GRIP1: variants seen among roughly 807,000 people sequenced by gnomAD.
GRIP1 encodes glutamate receptor-interacting protein 1.
Under a neutral mutation model 129.9 loss-of-function variants are expected in GRIP1, and 45 were observed. The observed-to-expected ratio is 0.35, with a 90% CI of 0.27 to 0.44. GRIP1 has a LOEUF of 0.44. Among genes scored for constraint, GRIP1 ranks in the 20% least tolerant of loss-of-function variants. The pLI is 1.00. For missense variants in GRIP1, 1,196 were observed against 1,396.8 expected, an observed-to-expected ratio of 0.86 and a Z score of 2.29; for synonymous variants, 530 against 520.8, an observed-to-expected ratio of 1.02 and a Z score of -0.24.
chr12:66,744,833 TACTC>T (rs1232557404), intron 1 of GRIP1, among the ~76,000 whole-genome samples: 2 of 152,206 alleles, frequency 1.3e-5, no homozygotes, highest in South Asian at 2.1e-4. Context: ...ACAGAAATCT[TACTC>T]AATTATATTA....
At position 66,432,587 on chromosome 12, in the gene GRIP1, G is replaced by C; in HGVS notation, c.1729C>G (p.Pro577Ala). 1 of 1,604,840 alleles carries C rather than the reference G, an allele frequency of 6.2e-7. No homozygotes were observed. The highest frequency in any genetic ancestry group is 1.1e-5 in the South Asian group (1 of 90,884). The change falls in exon 14 of 25, where the codon CCT (proline) becomes GCT (alanine). Residue 577 changes from proline to alanine, a missense_variant. Coordinates refer to ENST00000359742, the MANE Select transcript of GRIP1 (RefSeq NM_001366722.1). ...PSSGTFHVKL[P>A]KKHNVELGIT... ...CCAAGTTCCACATTGTGCTTCTTAG[G>C]CAGCTTTACATGAAATGTTCCACTA...
chr12:67,044,067 C>G (rs973720319), intron 1 of GRIP1, among the ~76,000 whole-genome samples: 2 of 152,008 alleles, frequency 1.3e-5, no homozygotes, highest in African/African-American at 2.4e-5. Context: ...AGATAGGTGC[C>G]TATTAATTCT....
intron 7 of GRIP1, among the ~76,000 whole-genome samples, chr12:66,491,361 A>T (rs757407673): frequency 6.6e-6 from 1 of 152,208 alleles, no homozygotes; most frequent in Non-Finnish European, 1.5e-5. Flanking sequence ...ACAACACAGG[A>T]ACAGAATACC....
In GRIP1 at chr12:66,456,224, G is replaced by T; in HGVS notation, c.1161C>A (p.Ala387=). ...TYHPDHCRVP[A]LTFPKAPPPN... ...GAGGAGGTGCTTTCGGGAATGTCAG[G>T]GCTGGTACTCTGCAATGGTCAGGGT... The change falls in exon 10 of 25, where the codon GCC becomes GCA. Residue 387 remains alanine (A), a synonymous_variant. Transcript: ENST00000359742. 7.8e-7 allele frequency: 1 copy of T among 1,289,604 alleles called. No individual in the cohort carries two copies. Among genetic ancestry groups the T allele is most frequent in the Non-Finnish European group, 1.0e-6 (1 of 988,414 alleles). The allele number at this position is 1,289,604 out of a possible 1,614,324, so 79.9% of individuals were successfully genotyped here.
chr12:66,957,876 G>A (rs969909664), intron 1 of GRIP1, among the ~76,000 whole-genome samples: 1 of 152,094 alleles, frequency 6.6e-6, no homozygotes, highest in African/African-American at 2.4e-5. Context: ...AAGAAGTGGA[G>A]ATTTATAGTC....
At chr12:66,897,210 C>T (rs1466241437) in intron 1 of GRIP1, among the ~76,000 whole-genome samples, 1 of 152,210 alleles carries the variant, frequency 6.6e-6, no homozygotes, top group African/African-American at 2.4e-5. Flanking sequence ...ACCCAGGAGG[C>T]ACTCGGTATG....
intron 1 of GRIP1, among the ~76,000 whole-genome samples, chr12:66,761,131 C>A (rs1354796609): frequency 6.6e-6 from 1 of 151,966 alleles, no homozygotes; most frequent in East Asian, 2.0e-4. Context: ...CTTTTCAGCT[C>A]TCCCTACCCC....
At chr12:66,660,067 ATG>A (rs1402488328) in intron 1 of GRIP1, among the ~76,000 whole-genome samples, 1 of 152,176 alleles carries the variant, frequency 6.6e-6, no homozygotes, top group Admixed American at 6.5e-5. Flanking sequence ...ACTGTTTTCT[ATG>A]ATTCTCATGT....
chr12:66,451,383 G>GTTTTTTTTTTTTTTTTTTTTTTTTTTTT lies in GRIP1; in HGVS notation c.1354+3998_1354+4025dup, dbSNP rs1169331519. 1.2e-4 allele frequency among the ~76,000 whole-genome samples: 5 copies of GTTTTTTTTTTTTTTTTTTTTTTTTTTTT among 42,656 alleles called. 2 individuals carry two copies. The highest frequency in any genetic ancestry group is 6.3e-4 in the Admixed American group (2 of 3,150). 28.0% of individuals were successfully genotyped at this position (42,656 alleles called of 152,430 possible). Reference sequence around the variant, plus strand: ...CCCCAAAGATTTATTATTATAATCTGTTTTTTTTTTTTTTTTTTTTTTTTT... The same window carrying GTTTTTTTTTTTTTTTTTTTTTTTTTTTT: ...CCCCAAAGATTTATTATTATAATCTGTTTTTTTTTTTTTTTTTTTTTTTTTTTTTTTTTTTTTTTTTTTTTTTTTTTTT... On this transcript the variant is annotated intron_variant, in intron 11 of 24. Transcript: ENST00000359742.
chr12:66,773,457 A>G (rs1228513306), intron 1 of GRIP1, among the ~76,000 whole-genome samples: 1 of 152,226 alleles, frequency 6.6e-6, no homozygotes, highest in Non-Finnish European at 1.5e-5. Context: ...TAACACAGGA[A>G]CAGAAAACCA....
chr12:67,060,599 T>G lies in GRIP1; in HGVS notation c.58+8451A>C, dbSNP rs183694139. 1.7e-3 allele frequency among the ~76,000 whole-genome samples: 253 copies of G among 152,176 alleles called. 1 individual carries two copies. The highest frequency in any genetic ancestry group is 6.0e-3 in the African/African-American group (249 of 41,516). On this transcript the variant is annotated intron_variant, in intron 1 of 1. Coordinates refer to the GRIP1 transcript ENST00000643019. ...ACTTTGGGAAGCCAAGGCAGGCAGA[T>G]CACCTGAGGTCAGGAGTTCGAGACC...
chr12:66,755,228 C>G (rs919680511), intron 1 of GRIP1, among the ~76,000 whole-genome samples: 6 of 152,038 alleles, frequency 3.9e-5, no homozygotes, highest in African/African-American at 1.4e-4. Flanking sequence ...AAAAAACAAG[C>G]CTTTAATATT....
chr12:66,614,453 C>A (rs2064949109), intron 1 of GRIP1, among the ~76,000 whole-genome samples: 2 of 152,094 alleles, frequency 1.3e-5, no homozygotes, highest in South Asian at 4.1e-4. Context: ...CTGCCCTAAG[C>A]CCATATGCAA....
intron 1 of GRIP1, among the ~76,000 whole-genome samples, chr12:67,017,259 T>A: frequency 6.6e-6 from 1 of 151,582 alleles, no homozygotes; most frequent in Non-Finnish European, 1.5e-5. Flanking sequence ...TTATCATAAG[T>A]CCCCATTTGC....
At chr12:66,879,340 C>G (rs1051509049) in intron 1 of GRIP1, among the ~76,000 whole-genome samples, 33 of 152,026 alleles carry the variant, frequency 2.2e-4, no homozygotes, top group African/African-American at 8.0e-4. Context: ...ATACCAGGTG[C>G]TTAGTGCTAC....
Position 66,742,637 on chromosome 12 carries a change from T to TA in GRIP1, c.-420+61415dup, listed in dbSNP as rs111228915. Among the ~76,000 whole-genome samples the TA allele has an allele frequency of 3.3e-3, 492 of 148,270 alleles. 2 individuals are homozygous for TA. The highest frequency in any genetic ancestry group is 0.015 in the East Asian group (77 of 5,096). ...TACACTCATTTACTCAGAAAAATGT[T>TA]AAAAAAAAAAGTGCATTGCAAAGTT... On this transcript the variant is annotated intron_variant, in intron 1 of 4. Coordinates refer to the GRIP1 transcript ENST00000538373.
In GRIP1 at chr12:66,455,521, T is replaced by C. The variant is rs1565756678; in HGVS notation, c.1242A>G (p.Ala414=). 1 of 1,614,014 alleles carries C rather than the reference T, an allele frequency of 6.2e-7. No individual in the cohort carries two copies. The highest frequency in any genetic ancestry group is 8.5e-7 in the Non-Finnish European group (1 of 1,179,880). Reference sequence around the variant, plus strand: ...CCATGTTCAGGGAACTCAGGCTGTATGCACTCATGGAGGTAGGAGAGAAGG... The same window carrying C: ...CCATGTTCAGGGAACTCAGGCTGTACGCACTCATGGAGGTAGGAGAGAAGG... ...SSSFSPTSMS[A]YSLSSLNMGT... is the part of the protein sequence containing the mutation. The change falls in exon 11 of 25, where the codon GCA becomes GCG. Residue 414 remains alanine, a synonymous_variant. Transcript: ENST00000359742.
chr12:66,962,980 T>C (rs527453925), intron 1 of GRIP1, among the ~76,000 whole-genome samples: 1 of 152,248 alleles, frequency 6.6e-6, no homozygotes, highest in South Asian at 2.1e-4. Flanking sequence ...CAAATGTTCA[T>C]AACTGGAAAC....
intron 23 of GRIP1, among the ~76,000 whole-genome samples, chr12:66,362,552 G>T (rs754781228): frequency 2.0e-5 from 3 of 151,908 alleles, no homozygotes; most frequent in Non-Finnish European, 4.4e-5. Flanking sequence ...ATCTGGACAT[G>T]AGGGAAATGG....
Sources: gnomAD v4.1 joint callset for allele counts (sites outside exome capture counted in the v4.1 genomes callset) on GRCh38, gnomAD v4.1.1 for gene constraint, MANE v1.5 for transcripts, NCBI Gene and HGNC (gene_info 2026-07-23, HGNC 2026-07-21) for gene names.